Variants in BBX observed in about 807,000 individuals in gnomAD.
BBX encodes BBX high mobility group box domain containing.
BBX carries 30 observed loss-of-function variants against 100.2 expected under a neutral mutation model. The ratio of observed to expected loss-of-function variants is 0.30; its 90% CI spans 0.22 to 0.41. The LOEUF (loss-of-function observed/expected upper bound fraction) is 0.41, where lower values mean the gene tolerates loss of function less well. Among genes scored for constraint, BBX ranks in the 10% least tolerant of loss-of-function variants. The pLI, the probability that BBX is intolerant of heterozygous loss-of-function variation, is 1.00. For missense variants in BBX, 1,023 were observed against 1,129.8 expected, an observed-to-expected ratio of 0.91 and a Z score of 1.35; for synonymous variants, 376 against 388.1, an observed-to-expected ratio of 0.97 and a Z score of 0.37.
Position 107,773,341 on chromosome 3 carries a change from G to A in BBX, c.1620G>A (p.Lys540=), listed in dbSNP as rs373302195. 9 of 1,613,942 alleles carry A rather than the reference G, an allele frequency of 5.6e-6. No individual in the cohort carries two copies. Among genetic ancestry groups the A allele is most frequent in the Non-Finnish European group, 2.5e-6 (3 of 1,179,988 alleles). The part of the protein sequence containing the change: ...KVKSREKKMS[K]EKSSDTTKES... ...AATCAAGAGAGAAGAAAATGTCAAA[G>A]GAGAAATCCTCAGACACCACCAAAG... is the stretch of plus-strand genomic sequence containing the variant. The change falls in exon 11 of 18, where the codon AAG becomes AAA. Residue 540 remains lysine (K), a synonymous_variant. Transcript: ENST00000325805. This position sits in a 1 kb window ranked among gnomAD's most constrained non-coding sequence, Gnocchi z 4.1.
chr3:107,790,021 A>G (rs1405126568), intron 14 of BBX, 145 bp downstream of exon 14: 2 of 558,730 alleles, frequency 3.6e-6, no homozygotes, highest in Non-Finnish European at 6.3e-6. Context: ...GGGTGTTCTC[A>G]TTCTTTCCGG....
rs561944763 is a variant in BBX, at chr3:107,606,418, G to GT, written c.-83-39416dup. 5.1e-4 allele frequency among the ~76,000 whole-genome samples: 78 copies of GT among 152,300 alleles called. No individual in the cohort carries two copies. The East Asian group carries it at 8.1e-3, about 16-fold the overall frequency. ...ACTGGGCTATTCCTTCAGCCGTTTG[G>GT]TTAATACAGGTTGATTGTGTTCCTT... On this transcript the variant is annotated intron_variant, in intron 2 of 17. Transcript: ENST00000325805.
chr3:107,602,696 T>C (rs574235100), intron 2 of BBX, among the ~76,000 whole-genome samples: 1 of 152,316 alleles, frequency 6.6e-6, no homozygotes, highest in South Asian at 2.1e-4. Flanking sequence ...GTGGTAGAAA[T>C]AGCAGGAAAA....
intron 3 of BBX, chr3:107,662,713 A>G (rs2058524323): frequency 6.8e-6 from 1 of 146,622 alleles, no homozygotes. Context: ...CCTAGCTAGT[A>G]GATGCATGCT....
intron 2 of BBX, among the ~76,000 whole-genome samples, chr3:107,539,224 T>C (rs1339911920): frequency 1.3e-5 from 2 of 152,198 alleles, no homozygotes; most frequent in Non-Finnish European, 2.9e-5. Context: ...GGACCCATAA[T>C]GTATAAAGCT....
chr3:107,738,478 T>C (rs1329993676), intron 7 of BBX, among the ~76,000 whole-genome samples: 1 of 152,188 alleles, frequency 6.6e-6, no homozygotes, highest in Admixed American at 6.5e-5. Flanking sequence ...TAACTCTTAA[T>C]CCTTGTAACA....
At chr3:107,748,271 G>A (rs1261423830) in intron 9 of BBX, among the ~76,000 whole-genome samples, 2 of 152,118 alleles carry the variant, frequency 1.3e-5, no homozygotes, top group African/African-American at 4.8e-5. Context: ...AGTTCATTCA[G>A]AATACCAGTA....
intron 14 of BBX, 86 bp downstream of exon 14, chr3:107,789,962 T>C: frequency 2.8e-6 from 3 of 1,089,528 alleles, no homozygotes; most frequent in Non-Finnish European, 4.0e-6. Flanking sequence ...TGCACTGCCT[T>C]TGCCTTGTCC....
chr3:107,799,076 A>C (rs949270118), intron 16 of BBX, among the ~76,000 whole-genome samples: 4 of 151,174 alleles, frequency 2.6e-5, no homozygotes, highest in African/African-American at 9.7e-5. Context: ...CGTGAACCCG[A>C]GAGTCGGAGG....
At chr3:107,671,598 C>T (rs563362341) in intron 3 of BBX, among the ~76,000 whole-genome samples, 9 of 152,030 alleles carry the variant, frequency 5.9e-5, no homozygotes, top group South Asian at 4.1e-4. Flanking sequence ...AAAGTCAATT[C>T]GAAGAATGAC....
intron 2 of BBX, among the ~76,000 whole-genome samples, chr3:107,551,033 T>C (rs543240340): frequency 4.6e-5 from 7 of 152,276 alleles, no homozygotes; most frequent in African/African-American, 1.7e-4. Flanking sequence ...TTTAGCGCTA[T>C]CTAAGTCATT....
At chr3:107,675,704 A>G (rs536440073) in intron 3 of BBX, among the ~76,000 whole-genome samples, 1 of 152,222 alleles carries the variant, frequency 6.6e-6, no homozygotes, top group Non-Finnish European at 1.5e-5. Context: ...AGGCAGTATG[A>G]TATAGCGGAA....
chr3:107,805,234 C>A, intron 17 of BBX, 136 bp from the exon 18 acceptor site: 4 of 1,016,118 alleles, frequency 3.9e-6, no homozygotes, highest in East Asian at 5.0e-5. Context: ...AAAGCAAAAA[C>A]AGTTTTCATT....
At position 107,526,378 on chromosome 3, in the gene BBX, A is replaced by G. The variant is rs923836112; in HGVS notation, c.-104A>G. On this transcript the variant is annotated 5_prime_UTR_variant, in exon 2 of 18. Transcript: ENST00000325805. Reference sequence around the variant, plus strand: ...CCGCAGTTCATCTTCCTCCCTGTGTACTTTCCATTTGCCTTCCTGGGTAAG... The same window carrying G: ...CCGCAGTTCATCTTCCTCCCTGTGTGCTTTCCATTTGCCTTCCTGGGTAAG... The G allele has an allele frequency of 1.3e-5, 5 of 398,524 alleles. No individual in the cohort carries two copies. The highest frequency in any genetic ancestry group is 7.1e-5 in the East Asian group (2 of 28,088). The allele number at this position is 398,524 out of a possible 1,614,324, so 24.7% of individuals were successfully genotyped here. A position where few individuals can be genotyped will look rare whatever the true frequency, so the allele number is the denominator to read the frequency against.
At chr3:107,562,758 A>C (rs1004715927) in intron 2 of BBX, among the ~76,000 whole-genome samples, 1 of 152,164 alleles carries the variant, frequency 6.6e-6, no homozygotes, top group African/African-American at 2.4e-5. Flanking sequence ...TTTCTGCTGA[A>C]GTGGAAATGG....
intron 2 of BBX, among the ~76,000 whole-genome samples, chr3:107,597,399 T>C (rs1427296512): frequency 6.6e-6 from 1 of 152,180 alleles, no homozygotes; most frequent in East Asian, 1.9e-4. Flanking sequence ...TAGGTCAGAA[T>C]ACACATGTAA....
chr3:107,590,600 A>T (rs1327320990), intron 2 of BBX, among the ~76,000 whole-genome samples: 1 of 152,178 alleles, frequency 6.6e-6, no homozygotes, highest in Admixed American at 6.5e-5. Flanking sequence ...ATGAGTGAGA[A>T]CTATACACAT....
chr3:107,795,831 T>G (rs1386283087), intron 15 of BBX, among the ~76,000 whole-genome samples: 2 of 152,174 alleles, frequency 1.3e-5, no homozygotes, highest in Non-Finnish European at 1.5e-5. Flanking sequence ...CTTTTGCAGC[T>G]GTGCCTTACG....
intron 2 of BBX, among the ~76,000 whole-genome samples, chr3:107,578,595 T>G (rs551692033): frequency 6.6e-6 from 1 of 152,248 alleles, no homozygotes; most frequent in Admixed American, 6.5e-5. Context: ...GAAACATGGG[T>G]TTTTTTATGG....
Sources: allele counts gnomAD v4.1 joint callset (sites outside exome capture counted in the v4.1 genomes callset), GRCh38; gene constraint gnomAD v4.1.1; non-coding constraint Gnocchi (gnomAD v3.1); transcripts MANE v1.5; gene names NCBI Gene and HGNC (gene_info 2026-07-23, HGNC 2026-07-21).